NCKAP5: variants seen among roughly 807,000 people sequenced by gnomAD.
NCKAP5 encodes nck-associated protein 5.
NCKAP5 carries 92 observed loss-of-function variants against 167.0 expected under a neutral mutation model. The ratio of observed to expected loss-of-function variants is 0.55; its 90% CI spans 0.47 to 0.66. The LOEUF (loss-of-function observed/expected upper bound fraction) is 0.66, where lower values mean the gene tolerates loss of function less well. NCKAP5 is among the 30% of genes least tolerant of loss of function. The pLI is 0.00. For missense variants in NCKAP5, 2,378 were observed against 2,315.0 expected, an observed-to-expected ratio of 1.03 and a Z score of -0.56; for synonymous variants, 891 against 877.4, an observed-to-expected ratio of 1.02 and a Z score of -0.27.
At chr2:132,879,619 C>T (rs1691592622) in intron 8 of NCKAP5, among the ~76,000 whole-genome samples, 1 of 152,190 alleles carries the variant, frequency 6.6e-6, no homozygotes, top group South Asian at 2.1e-4. Flanking sequence ...CTGCCCTCCA[C>T]CTCAGGTGAC....
chr2:133,607,730 A>T, the NCKAP5 span, among the ~76,000 whole-genome samples: 2 of 152,244 alleles, frequency 1.3e-5, no homozygotes. Context: ...ATTAAAGAAA[A>T]CAGTGAGATT....
At chr2:133,426,798 C>G (rs1344840582) in intron 3 of NCKAP5, among the ~76,000 whole-genome samples, 2 of 152,104 alleles carry the variant, frequency 1.3e-5, no homozygotes, top group Non-Finnish European at 2.9e-5. Context: ...ATAGGAGAAA[C>G]TAGATGAGAG....
chr2:133,564,792 C>T (rs1383496021), intron 1 of NCKAP5, among the ~76,000 whole-genome samples: 1 of 152,132 alleles, frequency 6.6e-6, no homozygotes, highest in Non-Finnish European at 1.5e-5. Context: ...GCAAGGCTCA[C>T]AGGTGCCACC....
intron 16 of NCKAP5, among the ~76,000 whole-genome samples, chr2:132,763,764 A>G (rs772374480): frequency 2.0e-5 from 3 of 152,208 alleles, no homozygotes; most frequent in Non-Finnish European, 4.4e-5. Context: ...TATATAGAAC[A>G]CACGTTTCTC....
intron 19 of NCKAP5, among the ~76,000 whole-genome samples, chr2:132,675,182 G>T (rs934254373): frequency 6.6e-6 from 1 of 152,174 alleles, no homozygotes; most frequent in Admixed American, 6.5e-5. Flanking sequence ...TGAAGGCTTT[G>T]GTACTGAAGA....
chr2:132,938,677 C>A (rs55706372), intron 8 of NCKAP5, among the ~76,000 whole-genome samples: 5 of 152,140 alleles, frequency 3.3e-5, no homozygotes, highest in African/African-American at 1.2e-4. Context: ...TCCTATGGAT[C>A]CCCCTCAGCT....
At chr2:133,388,022 T>C (rs1195021916) in intron 3 of NCKAP5, among the ~76,000 whole-genome samples, 1 of 152,226 alleles carries the variant, frequency 6.6e-6, no homozygotes, top group Admixed American at 6.5e-5. Flanking sequence ...TTTGATCATC[T>C]GAAGCCTTCT....
At position 132,983,725 on chromosome 2, in the gene NCKAP5, T is replaced by C. The variant is rs2077205835; in HGVS notation, c.429+10427A>G. 2.0e-5 allele frequency among the ~76,000 whole-genome samples: 3 copies of C among 152,168 alleles called. No individual in the cohort carries two copies. The South Asian group carries it at 6.2e-4, about 32-fold the overall frequency. On this transcript the variant is annotated intron_variant, in intron 7 of 19. Coordinates refer to ENST00000409261, the MANE Select transcript of NCKAP5 (RefSeq NM_207363.3). ...TGGGAGTCGGGAGGAGGGGGGCAACTTCAATAGACTTCTCTACTATCTCCA... is the reference window on the plus strand; with the variant it reads ...TGGGAGTCGGGAGGAGGGGGGCAACCTCAATAGACTTCTCTACTATCTCCA...
intron 8 of NCKAP5, among the ~76,000 whole-genome samples, chr2:132,910,828 A>C (rs1314630881): frequency 6.6e-6 from 1 of 152,232 alleles, no homozygotes; most frequent in Non-Finnish European, 1.5e-5. Flanking sequence ...TTTGGAAATG[A>C]GACTGTACCA....
chr2:133,032,795 T>C (rs750103654), intron 6 of NCKAP5, among the ~76,000 whole-genome samples: 1 of 152,100 alleles, frequency 6.6e-6, no homozygotes, highest in Non-Finnish European at 1.5e-5. Flanking sequence ...GAAAGCATGG[T>C]TGGGGAGGCC....
intron 3 of NCKAP5, among the ~76,000 whole-genome samples, chr2:133,417,010 C>T (rs1689152207): frequency 1.3e-5 from 2 of 151,860 alleles, no homozygotes; most frequent in African/African-American, 2.4e-5. Context: ...TTAGTAAAAG[C>T]GTTGCCAGAT....
At chr2:133,033,300 T>G (rs1168918654) in intron 6 of NCKAP5, among the ~76,000 whole-genome samples, 1 of 152,218 alleles carries the variant, frequency 6.6e-6, no homozygotes, top group Non-Finnish European at 1.5e-5. Flanking sequence ...ACAGTGTAAC[T>G]GGGCTTGGGG....
chr2:132,832,396 A>G (rs1464868622), intron 11 of NCKAP5, among the ~76,000 whole-genome samples: 1 of 152,260 alleles, frequency 6.6e-6, no homozygotes, highest in African/African-American at 2.4e-5. Context: ...GCATGTATAT[A>G]TGGGGTACAA....
intron 3 of NCKAP5, among the ~76,000 whole-genome samples, chr2:133,514,193 C>G (rs1194965833): frequency 6.6e-6 from 1 of 152,230 alleles, no homozygotes; most frequent in Non-Finnish European, 1.5e-5. Flanking sequence ...TTGTCTTTCT[C>G]TCTGGGCCTT....
intron 8 of NCKAP5, among the ~76,000 whole-genome samples, chr2:132,937,900 A>C (rs2149087267): frequency 6.6e-6 from 1 of 152,314 alleles, no homozygotes; most frequent in Non-Finnish European, 1.5e-5. Flanking sequence ...TAGCCAACCA[A>C]GTTCACCCAG....
intron 8 of NCKAP5, among the ~76,000 whole-genome samples, chr2:132,932,506 G>A (rs1353447726): frequency 1.3e-5 from 2 of 152,156 alleles, no homozygotes; most frequent in African/African-American, 4.8e-5. Flanking sequence ...AAAGGCCAAA[G>A]TCCAAACAAG....
At chr2:133,646,551 G>T in the NCKAP5 span, among the ~76,000 whole-genome samples, 1 of 152,078 alleles carries the variant, frequency 6.6e-6, no homozygotes, top group Non-Finnish European at 1.5e-5. Context: ...CAAAAGCTGA[G>T]GGAGTTTGTT....
rs6719053 is a variant in NCKAP5 at position 133,227,881 on chromosome 2, C to T, written c.144-14102G>A. Among the ~76,000 whole-genome samples the T allele has an allele frequency of 8.7e-3, 1,331 of 152,226 alleles. 24 individuals carry two copies. The highest frequency in any genetic ancestry group is 0.029 in the African/African-American group (1,206 of 41,510). ...AGAAAGGGGAGGTATTTATTGAATG[C>T]GGTATGGTATTTCAGGAGGAACTGA... is the stretch of plus-strand genomic sequence containing the variant. On this transcript the variant is annotated intron_variant, in intron 4 of 19. Transcript: ENST00000409261.
At chr2:133,193,429 T>G (rs1039040303) in intron 5 of NCKAP5, among the ~76,000 whole-genome samples, 1 of 152,116 alleles carries the variant, frequency 6.6e-6, no homozygotes, top group African/African-American at 2.4e-5. Flanking sequence ...TCTCTCTGTA[T>G]GATTTCTTAC....
Sources: allele counts gnomAD v4.1 joint callset (sites outside exome capture counted in the v4.1 genomes callset), GRCh38; gene constraint gnomAD v4.1.1; transcripts MANE v1.5; gene names NCBI Gene and HGNC (gene_info 2026-07-23, HGNC 2026-07-21).